Variants in WDR12 observed in about 807,000 individuals in gnomAD.
The protein encoded by WDR12 is ribosome biogenesis protein WDR12.
Under a neutral mutation model 64.3 loss-of-function variants are expected in WDR12, and 42 were observed. The ratio of observed to expected loss-of-function variants is 0.65; its 90% confidence interval spans 0.51 to 0.84. The LOEUF (loss-of-function observed/expected upper bound fraction) is 0.84, where lower values mean the gene tolerates loss of function less well. Among genes scored for constraint, WDR12 ranks in the 40% least tolerant of loss-of-function variants. The pLI is 0.00. For synonymous variants in WDR12, 158 were observed against 173.3 expected, an observed-to-expected ratio of 0.91 and a Z score of 0.70; for missense variants, 469 against 494.6, an observed-to-expected ratio of 0.95 and a Z score of 0.49.
At chr2:202,911,401 T>G in intron 1 of WDR12, 35 bp downstream of exon 1, 3 of 1,610,070 alleles carry the variant, frequency 1.9e-6, no homozygotes, top group Non-Finnish European at 2.6e-6. Context: ...GAAAGGAACC[T>G]GGGGAAGGGA....
Position 202,901,043 on chromosome 2 carries a change from T to G in WDR12, c.213A>C (p.Glu71Asp). Residue 71 changes from glutamate to aspartate, a missense_variant, in exon 3 of 13, where the codon GAA becomes GAC. By Grantham distance (45) the Glu-to-Asp change is conservative (BLOSUM62 2). Transcript: ENST00000261015. ...AACTTACTGATGAGATGTTCTCCATTTCCATGTGTTTGTCCAAGGGCATTC... is the reference window on the plus strand; with the variant it reads ...AACTTACTGATGAGATGTTCTCCATGTCCATGTGTTTGTCCAAGGGCATTC... ...FLRMPLDKHM[E>D]MENISSEEVV... 1 of 1,593,260 alleles carries G rather than the reference T, an allele frequency of 6.3e-7. No individual in the cohort carries two copies. Among genetic ancestry groups the G allele is most frequent in the Non-Finnish European group, 8.6e-7 (1 of 1,165,656 alleles).
Position 202,900,378 on chromosome 2 carries a change from A to G in WDR12, c.231+647T>C, listed in dbSNP as rs577963755. On this transcript the variant is annotated intron_variant, in intron 3 of 12. Coordinates refer to ENST00000261015, the MANE Select transcript of WDR12 (RefSeq NM_018256.4). Reference sequence around the variant, plus strand: ...AAAAGAAAACATTAAAATTAAGAAAAAAAGCACATTGTTTAATGGGTACAG... The same window carrying G: ...AAAAGAAAACATTAAAATTAAGAAAGAAAGCACATTGTTTAATGGGTACAG... 3.3e-5 allele frequency among the ~76,000 whole-genome samples: 5 copies of G among 152,186 alleles called. No individual in the cohort carries two copies. In the South Asian group the frequency reaches 1.0e-3, roughly 32 times the overall value.
chr2:202,897,642 C>T (rs1304465990), intron 4 of WDR12, among the ~76,000 whole-genome samples: 1 of 148,248 alleles, frequency 6.7e-6, no homozygotes, highest in African/African-American at 2.5e-5. Flanking sequence ...GTAATCCCAG[C>T]ACTTTGGGAG....
intron 7 of WDR12, among the ~76,000 whole-genome samples, chr2:202,893,005 T>C (rs1037925734): frequency 5.3e-5 from 8 of 152,076 alleles, no homozygotes; most frequent in Non-Finnish European, 1.0e-4. Context: ...CTATGAAAAA[T>C]TGCTTACTGT....
At chr2:202,903,472 GAAGGAAGGAAGGAAGGAAGGAAGGAAGGA>G (rs1479250409) in intron 2 of WDR12, among the ~76,000 whole-genome samples, 2 of 102,952 alleles carry the variant, frequency 1.9e-5, no homozygotes, top group Admixed American at 2.3e-4. Flanking sequence ...AGGAAGGAAG[GAAGGAAGGAAGGAAGGAAGGAAGGAAGGA>G]AGTGAGGGAG....
At chr2:202,895,958 A>T in intron 6 of WDR12, 107 bp downstream of exon 6, 9 of 1,311,726 alleles carry the variant, frequency 6.9e-6, no homozygotes, top group Middle Eastern at 2.5e-4. Flanking sequence ...TTTGTCACCG[A>T]TTGTTAGGAA....
Position 202,877,666 on chromosome 2 carries a change from CAAAA to C in WDR12, c.*3190_*3193del, listed in dbSNP as rs1215117149. ...GTGACATAGTGAGACCCTGTCTTGA[CAAAA>C]AAACAAAAAAACCAACCTTTGATAA... is the stretch of plus-strand genomic sequence containing the variant. On this transcript the variant is annotated 3_prime_UTR_variant, in exon 13 of 13. Coordinates refer to ENST00000261015, the MANE Select transcript of WDR12 (RefSeq NM_018256.4). 1 of 151,632 alleles carries C rather than the reference CAAAA, an allele frequency of 6.6e-6. No individual in the cohort carries two copies. The highest frequency in any genetic ancestry group is 1.5e-5 in the Non-Finnish European group (1 of 67,966). 9.4% of individuals were successfully genotyped at this position (151,632 alleles called of 1,614,324 possible). A position where few individuals can be genotyped will look rare whatever the true frequency, so the allele number is the denominator to read the frequency against.
intron 12 of WDR12, 113 bp from the exon 13 acceptor site, chr2:202,881,050 G>A: frequency 1.1e-6 from 1 of 916,360 alleles, no homozygotes; most frequent in African/African-American, 1.7e-5. Context: ...AATTATGGGT[G>A]AGCAGTTAAC....
Position 202,876,262 on chromosome 2 carries a change from A to G in WDR12, c.*4598T>C, listed in dbSNP as rs1687856484. The G allele has an allele frequency of 6.6e-6, 1 of 152,070 alleles. No individual in the cohort carries two copies. The highest frequency in any genetic ancestry group is 1.5e-5 in the Non-Finnish European group (1 of 68,020). The allele number at this position is 152,070 out of a possible 1,614,324, so 9.4% of individuals were successfully genotyped here. A position where few individuals can be genotyped will look rare whatever the true frequency, so the allele number is the denominator to read the frequency against. On this transcript the variant is annotated 3_prime_UTR_variant, in exon 13 of 13. Coordinates refer to ENST00000261015, the MANE Select transcript of WDR12 (RefSeq NM_018256.4). ...AAATAGCTGGGTGTGGCAGCATGCA[A>G]TTGTACTCCCAGGTACGTACTCAGG...
chr2:202,894,587 A>C lies in WDR12; in HGVS notation c.649T>G (p.Ser217Ala). ...GSWDKMLKIW[S>A]TVPTDEEDEM... The stretch of plus-strand genomic sequence containing the variant: ...AAATAAATATTTAATTTACCTGTAG[A>C]CCAGATCTTTAGCATCTTATCCCAG... The change falls in exon 7 of 13, where the codon TCT becomes GCT. Residue 217 changes from serine (S) to alanine (A), a missense_variant. Ser to Ala is a moderately conservative substitution (Grantham distance 99). Transcript: ENST00000261015. 2 of 1,605,174 alleles carry C rather than the reference A, an allele frequency of 1.2e-6. No homozygotes were observed. The highest frequency in any genetic ancestry group is 1.7e-6 in the Non-Finnish European group (2 of 1,176,528).
chr2:202,889,829 T>C (rs892228276), intron 8 of WDR12, among the ~76,000 whole-genome samples: 1 of 151,028 alleles, frequency 6.6e-6, no homozygotes, highest in Non-Finnish European at 1.5e-5. Context: ...GGCGTGAGGA[T>C]TGTGTGAGCC....
At position 202,901,031 on chromosome 2, in the gene WDR12, G is replaced by T. The variant is rs199990478; in HGVS notation, c.225C>A (p.Ile75=). ...GATAAGAATTTGAACTTACTGATGA[G>T]ATGTTCTCCATTTCCATGTGTTTGT... ...PLDKHMEMEN[I]SSEEVVEIEY... is the part of the protein sequence containing the mutation. The change falls in exon 3 of 13, where the codon ATC becomes ATA. Residue 75 remains isoleucine, a synonymous_variant. Transcript: ENST00000261015. 20 of 1,586,536 alleles carry T rather than the reference G, an allele frequency of 1.3e-5. No individual in the cohort carries two copies. The East Asian group carries it at 4.5e-4, about 36-fold the overall frequency.
chr2:202,885,625 T>C (rs1688031185), intron 8 of WDR12, among the ~76,000 whole-genome samples: 1 of 152,226 alleles, frequency 6.6e-6, no homozygotes, highest in Non-Finnish European at 1.5e-5. Context: ...TCAGTATCTT[T>C]AAGTCCTATT....
chr2:202,875,291 C>G lies in WDR12; in HGVS notation c.*5569G>C, dbSNP rs1261163939. ...TTACAGTAATACGTTTAGTGGCACG[C>G]TAAAATTGAAATTAATTTTAAAGGC... On this transcript the variant is annotated 3_prime_UTR_variant, in exon 13 of 13. Coordinates refer to ENST00000261015, the MANE Select transcript of WDR12 (RefSeq NM_018256.4). The G allele has an allele frequency of 6.6e-6, 1 of 151,562 alleles. No homozygotes were observed. The highest frequency in any genetic ancestry group is 1.5e-5 in the Non-Finnish European group (1 of 67,996). The allele number at this position is 151,562 out of a possible 1,614,324, so 9.4% of individuals were successfully genotyped here.
At chr2:202,909,614 T>C (rs973720822) in intron 1 of WDR12, among the ~76,000 whole-genome samples, 2 of 152,120 alleles carry the variant, frequency 1.3e-5, no homozygotes, top group Admixed American at 6.6e-5. Context: ...GCAAATATGA[T>C]GCTGATGATC....
At chr2:202,911,409 G>C (rs1688641079) in intron 1 of WDR12, 27 bp downstream of exon 1, 2 of 1,612,490 alleles carry the variant, frequency 1.2e-6, no homozygotes, top group African/African-American at 2.7e-5. Context: ...CCTGGGGAAG[G>C]GAGAGAAGGC....
chr2:202,895,207 A>G (rs530932475), intron 6 of WDR12, among the ~76,000 whole-genome samples: 3 of 152,314 alleles, frequency 2.0e-5, no homozygotes, highest in Non-Finnish European at 2.9e-5. Flanking sequence ...GAATACTTCA[A>G]TGTGGCTTAG....
At position 202,877,693 on chromosome 2, in the gene WDR12, TAA is replaced by T. The variant is rs773725272; in HGVS notation, c.*3165_*3166del. ...AAAAAACAAAAAAACCAACCTTTGA[TAA>T]GAGAGCAAGTATCAACATTTTAAAG... On this transcript the variant is annotated 3_prime_UTR_variant, in exon 13 of 13. Transcript: ENST00000261015. 1 of 152,104 alleles carries T rather than the reference TAA, an allele frequency of 6.6e-6. No homozygotes were observed. Among genetic ancestry groups the T allele is most frequent in the Non-Finnish European group, 1.5e-5 (1 of 68,108 alleles). The allele number at this position is 152,104 out of a possible 1,614,324, so 9.4% of individuals were successfully genotyped here.
chr2:202,885,264 T>C (rs1415116053), intron 8 of WDR12, among the ~76,000 whole-genome samples: 5 of 152,322 alleles, frequency 3.3e-5, no homozygotes, highest in African/African-American at 1.2e-4. Flanking sequence ...GCTTCTGTTG[T>C]CCCTTGCTGC....
Sources: allele counts gnomAD v4.1 joint callset (sites outside exome capture counted in the v4.1 genomes callset), GRCh38; gene constraint gnomAD v4.1.1; transcripts MANE v1.5; gene names NCBI Gene and HGNC (gene_info 2026-07-23, HGNC 2026-07-21).